Variants in CCDC88A observed in about 807,000 individuals in gnomAD.
CCDC88A encodes the protein coiled-coil and HOOK domain protein 88A.
Under a neutral mutation model 234.3 loss-of-function variants are expected in CCDC88A, and 54 were observed. The ratio of observed to expected loss-of-function variants is 0.23; its 90% CI spans 0.19 to 0.29. The LOEUF is 0.29. CCDC88A is among the 10% of genes least tolerant of loss of function. The probability of loss-of-function intolerance (pLI) is 1.00; values close to 1 mark genes in which losing one functional copy is unlikely to be tolerated. For missense variants in CCDC88A, 1,832 were observed against 2,123.4 expected (o/e 0.86, Z 2.70); for synonymous variants, 753 against 737.8 (o/e 1.02, Z -0.33).
chr2:55,343,930 A>C (rs1413352729), intron 11 of CCDC88A, 138 bp from the exon 12 acceptor site: 4 of 692,814 alleles, frequency 5.8e-6, no homozygotes, highest in Non-Finnish European at 9.1e-6. Context: ...TCAGTTTTGA[A>C]GGCAATTATA....
chr2:55,418,124 C>T (rs1681777973), intron 2 of CCDC88A: 1 of 152,122 alleles, frequency 6.6e-6, no homozygotes, highest in Admixed American at 6.6e-5. Flanking sequence ...AGTACAAACC[C>T]AATATTATAA....
At chr2:55,410,456 G>C (rs1273920662) in intron 2 of CCDC88A, among the ~76,000 whole-genome samples, 1 of 152,166 alleles carries the variant, frequency 6.6e-6, no homozygotes, top group Non-Finnish European at 1.5e-5. Flanking sequence ...ATGATTTGTT[G>C]GCCTGGTTTA....
At chr2:55,385,377 G>A (rs1675411760) in intron 3 of CCDC88A, among the ~76,000 whole-genome samples, 1 of 152,136 alleles carries the variant, frequency 6.6e-6, no homozygotes, top group African/African-American at 2.4e-5. Flanking sequence ...AATATGGAGT[G>A]AATTAGTAAA....
At chr2:55,395,824 G>A (rs1373427467) in intron 2 of CCDC88A, among the ~76,000 whole-genome samples, 2 of 152,186 alleles carry the variant, frequency 1.3e-5, no homozygotes, top group African/African-American at 4.8e-5. Context: ...ACTGATTTAT[G>A]CTTATTGCAA....
In CCDC88A at chr2:55,295,755, G is replaced by A. The variant is rs569160245; in HGVS notation, c.5393C>T (p.Pro1798Leu). ...SLSRQSKDSN[P>L]YATLPRASSV... is the part of the protein sequence containing the mutation. ...GCTTGCACGAGGTAAAGTTGCATAAGGGTTACTATCTTTTGATTGTCGTGA... is the reference window on the plus strand; with the variant it reads ...GCTTGCACGAGGTAAAGTTGCATAAAGGTTACTATCTTTTGATTGTCGTGA... Residue 1798 changes from proline to leucine, a missense_variant, in exon 31 of 33, where the codon CCT becomes CTT. Pro to Leu is a moderately conservative substitution (Grantham distance 98). Transcript: ENST00000436346. 30 of 1,614,154 alleles carry A rather than the reference G, an allele frequency of 1.9e-5. No individual in the cohort carries two copies. The Middle Eastern group carries it at 1.5e-3, about 80-fold the overall frequency.
intron 3 of CCDC88A, among the ~76,000 whole-genome samples, chr2:55,379,777 G>C (rs1378077716): frequency 6.6e-6 from 1 of 152,116 alleles, no homozygotes; most frequent in African/African-American, 2.4e-5. Context: ...GCCAGGCGTG[G>C]TGGTGCATGC....
In CCDC88A at chr2:55,388,828, T is replaced by G. The variant is rs757190377; in HGVS notation, c.223A>C (p.Arg75=). 2.6e-6 allele frequency: 4 copies of G among 1,545,034 alleles called. No homozygotes were observed. The South Asian group carries it at 3.5e-5, about 14-fold the overall frequency. ...NKKVNNDASL[R]MHNLSILVRQ... is the part of the protein sequence containing the mutation. ...ACCAAAATGGATAGATTGTGCATTC[T>G]AAGTGAGGCATCATTATTGACTTTT... Residue 75 remains arginine (R), a synonymous_variant, in exon 3 of 33, where the codon AGA becomes CGA. Transcript: ENST00000436346.
At chr2:55,406,992 T>C (rs1365316064) in intron 2 of CCDC88A, among the ~76,000 whole-genome samples, 1 of 152,112 alleles carries the variant, frequency 6.6e-6, no homozygotes, top group Non-Finnish European at 1.5e-5. Context: ...GCGGGAGGAC[T>C]GCTTGAGCCC....
At chr2:55,322,746 A>C (rs1453113174) in intron 17 of CCDC88A, 54 bp from the exon 18 acceptor site, 2 of 945,526 alleles carry the variant, frequency 2.1e-6, no homozygotes, top group Non-Finnish European at 3.1e-6. Context: ...CCACAGTTAC[A>C]TTTCTCTCAA....
At chr2:55,382,492 C>T (rs73939646) in intron 3 of CCDC88A, among the ~76,000 whole-genome samples, 5,259 of 152,222 alleles carry the variant, frequency 0.035, 275 homozygotes, top group African/African-American at 0.12. Flanking sequence ...CAAACACTGG[C>T]TATGACAGGG....
rs896252220 is a variant in CCDC88A, at chr2:55,296,738, T to C, written c.4826-215A>G. On this transcript the variant is annotated intron_variant, in intron 29 of 32. Coordinates refer to ENST00000436346, the MANE Select transcript of CCDC88A (RefSeq NM_001365480.1). ...CCTTATTTTGTCAAACTGACAACTA[T>C]TGTAAGCTCCATAAGGGCAAAGACT... 3.3e-5 allele frequency: 19 copies of C among 570,128 alleles called. No individual in the cohort carries two copies. The highest frequency in any genetic ancestry group is 5.9e-5 in the East Asian group (2 of 33,616). The allele number at this position is 570,128 out of a possible 1,614,324, so 35.3% of individuals were successfully genotyped here. A position where few individuals can be genotyped will look rare whatever the true frequency, so the allele number is the denominator to read the frequency against.
At chr2:55,361,081 A>G (rs1039187097) in intron 7 of CCDC88A, among the ~76,000 whole-genome samples, 1 of 152,196 alleles carries the variant, frequency 6.6e-6, no homozygotes, top group African/African-American at 2.4e-5. Context: ...GCCAGACTCC[A>G]TCTCAAAAAA....
At chr2:55,384,946 C>A (rs114136820) in intron 3 of CCDC88A, among the ~76,000 whole-genome samples, 2,279 of 152,058 alleles carry the variant, frequency 0.015, 27 homozygotes, top group Middle Eastern at 0.037. Flanking sequence ...CATGAGCTAC[C>A]GCGCCTGGCT....
At chr2:55,374,219 C>T (rs1673252412) in intron 4 of CCDC88A, among the ~76,000 whole-genome samples, 3 of 152,064 alleles carry the variant, frequency 2.0e-5, no homozygotes, top group African/African-American at 7.2e-5. Context: ...ACTAAAAATA[C>T]AGAAATTAGC....
At chr2:55,362,224 T>G in intron 7 of CCDC88A, 84 bp downstream of exon 7, 2 of 1,047,022 alleles carry the variant, frequency 1.9e-6, no homozygotes, top group Non-Finnish European at 1.4e-6. Flanking sequence ...TAAGAAATAG[T>G]ATCGTTTCTG....
At chr2:55,395,021 T>C (rs745727072) in intron 2 of CCDC88A, among the ~76,000 whole-genome samples, 2 of 152,056 alleles carry the variant, frequency 1.3e-5, no homozygotes, top group Non-Finnish European at 2.9e-5. Flanking sequence ...GATTTTTGTA[T>C]TTTTAGGAGA....
chr2:55,339,838 C>G (rs1233723320), intron 12 of CCDC88A, 190 bp from the exon 13 acceptor site: 1 of 488,990 alleles, frequency 2.0e-6, no homozygotes, highest in Non-Finnish European at 3.4e-6. Context: ...TTCTTTTTTT[C>G]TTTTTTTTAA....
chr2:55,301,909 A>G lies in CCDC88A; in HGVS notation c.4635T>C (p.Ser1545=), dbSNP rs762436056. 3.7e-6 allele frequency: 6 copies of G among 1,614,212 alleles called. No homozygotes were observed. The Admixed American group carries it at 1.0e-4, about 27-fold the overall frequency. The change falls in exon 27 of 33, where the codon TCT becomes TCC. Residue 1545 remains serine, a synonymous_variant. Transcript: ENST00000436346. ...CCAACTGCTTGGATCTGAAGCCTGC[A>G]GAAGAGTTGACAGTTGAAAAGTTGA... ...TAINFSTVNS[S]AGFRSKQLVN...
intron 2 of CCDC88A, among the ~76,000 whole-genome samples, chr2:55,408,817 T>TC (rs1680012263): frequency 6.6e-6 from 1 of 152,086 alleles, no homozygotes; most frequent in Non-Finnish European, 1.5e-5. Flanking sequence ...CCAAGAACCC[T>TC]CTCTTGGGGT....
Sources: allele counts gnomAD v4.1 joint callset (sites outside exome capture counted in the v4.1 genomes callset), GRCh38; gene constraint gnomAD v4.1.1; transcripts MANE v1.5; gene names NCBI Gene and HGNC (gene_info 2026-07-23, HGNC 2026-07-21).